Variants in PLCB1 observed in about 807,000 individuals in gnomAD.
PLCB1 encodes phospholipase C beta 1, also known as 1-phosphatidylinositol 4,5-bisphosphate phosphodiesterase beta-1.
Under a neutral mutation model 161.8 loss-of-function variants are expected in PLCB1, and 46 were observed. The observed-to-expected ratio is 0.28, with a 90% confidence interval of 0.22 to 0.36. The LOEUF (loss-of-function observed/expected upper bound fraction) is 0.36, where lower values mean the gene tolerates loss of function less well. PLCB1 is among the 10% of genes least tolerant of loss of function. PLCB1 has a pLI of 1.00. For missense variants in PLCB1, 1,016 were observed against 1,472.5 expected (o/e 0.69, Z 5.07); for synonymous variants, 517 against 503.7 (o/e 1.03, Z -0.35).
chr20:8,780,812 C>T (rs117954711), intron 27 of PLCB1, among the ~76,000 whole-genome samples: 2,374 of 152,216 alleles, frequency 0.016, 26 homozygotes, highest in Middle Eastern at 0.034. Context: ...TGCATGACCA[C>T]CTGAATGTCA....
rs1376374003 is a variant in PLCB1, at chr20:8,717,795, C to A, written c.1460C>A (p.Ser487Tyr). 34 of 1,614,036 alleles carry A rather than the reference C, an allele frequency of 2.1e-5. No individual in the cohort carries two copies. The highest frequency in any genetic ancestry group is 2.9e-5 in the Non-Finnish European group (34 of 1,179,954). Residue 487 changes from serine to tyrosine, a missense_variant, in exon 14 of 32, where the codon TCC becomes TAC. Transcript: ENST00000338037. ...SGKKKLSEQA[S>Y]NTYSDSSSMF... ...AAAAAGAAGCTCTCAGAACAAGCCT[C>A]CAACACCTACAGTGACTCCTCCAGC...
chr20:8,344,224 C>G (rs1484386469), intron 2 of PLCB1, among the ~76,000 whole-genome samples: 2 of 152,204 alleles, frequency 1.3e-5, no homozygotes, highest in Non-Finnish European at 2.9e-5. Flanking sequence ...CATAAAGAAG[C>G]TTGACTTGCC....
intron 2 of PLCB1, among the ~76,000 whole-genome samples, chr20:8,152,770 C>G (rs923752141): frequency 1.3e-5 from 2 of 152,040 alleles, no homozygotes; most frequent in Non-Finnish European, 2.9e-5. Context: ...CAATATATTC[C>G]CTCTTTGGTC....
In PLCB1 at chr20:8,773,191, C is replaced by T. The variant is rs551222566; in HGVS notation, c.2931-1348C>T. 3.7e-4 allele frequency among the ~76,000 whole-genome samples: 56 copies of T among 152,310 alleles called. No homozygotes were observed. In the South Asian group the frequency reaches 0.012, roughly 32 times the overall value. ...TGGCCCAATTCAAAGAAAAAGCAAC[C>T]AGAATTACTGACAGCTGATTCTAAG... On this transcript the variant is annotated intron_variant, in intron 26 of 31. Coordinates refer to ENST00000338037, the MANE Select transcript of PLCB1 (RefSeq NM_015192.4).
intron 3 of PLCB1, among the ~76,000 whole-genome samples, chr20:8,622,413 T>A (rs1190032487): frequency 6.6e-6 from 1 of 152,196 alleles, no homozygotes; most frequent in Non-Finnish European, 1.5e-5. Flanking sequence ...AATCCATTGA[T>A]ATTCTATTGG....
At chr20:8,287,369 G>C (rs919365460) in intron 2 of PLCB1, among the ~76,000 whole-genome samples, 3 of 152,082 alleles carry the variant, frequency 2.0e-5, no homozygotes, top group Non-Finnish European at 1.5e-5. Context: ...TATAAAATTT[G>C]TGATTAGAAT....
At chr20:8,535,269 A>G (rs189743226) in intron 3 of PLCB1, among the ~76,000 whole-genome samples, 8 of 150,510 alleles carry the variant, frequency 5.3e-5, no homozygotes, top group Admixed American at 2.0e-4. Flanking sequence ...AGTGTAATAT[A>G]TAGTTAACAT....
chr20:8,635,010 A>T (rs970324630), intron 4 of PLCB1, among the ~76,000 whole-genome samples: 4 of 151,956 alleles, frequency 2.6e-5, no homozygotes, highest in Admixed American at 1.3e-4. Flanking sequence ...GCATCAACTC[A>T]GTTCATCCAT....
chr20:8,779,414 G>A (rs1160735829), intron 27 of PLCB1, among the ~76,000 whole-genome samples: 1 of 144,412 alleles, frequency 6.9e-6, no homozygotes, highest in African/African-American at 2.6e-5. Context: ...TCTATCAATC[G>A]ATAAGCACCT....
chr20:8,380,802 G>A (rs1300288697), intron 3 of PLCB1, among the ~76,000 whole-genome samples: 2 of 152,180 alleles, frequency 1.3e-5, no homozygotes, highest in Non-Finnish European at 2.9e-5. Flanking sequence ...TTTGTATCCT[G>A]AGACTTGGCT....
At chr20:8,713,486 A>T (rs1368320580) in intron 12 of PLCB1, among the ~76,000 whole-genome samples, 1 of 152,102 alleles carries the variant, frequency 6.6e-6, no homozygotes. Context: ...CCCAGCCCTC[A>T]GGCAGGTTCT....
chr20:8,355,752 C>T (rs1438053799), intron 2 of PLCB1, among the ~76,000 whole-genome samples: 2 of 152,094 alleles, frequency 1.3e-5, no homozygotes, highest in African/African-American at 4.8e-5. Context: ...AAGAGTAGCA[C>T]CATTATAGTA....
At chr20:8,826,350 G>A (rs1231364858) in intron 31 of PLCB1, among the ~76,000 whole-genome samples, 1 of 151,816 alleles carries the variant, frequency 6.6e-6, no homozygotes, top group African/African-American at 2.4e-5. Flanking sequence ...AAAAAATTAG[G>A]TGGGCGTGGT....
At chr20:8,423,049 C>T (rs1286694573) in intron 3 of PLCB1, among the ~76,000 whole-genome samples, 1 of 152,206 alleles carries the variant, frequency 6.6e-6, no homozygotes. Flanking sequence ...AACAAAGTGA[C>T]TCCAATAAGC....
At chr20:8,645,324 A>G (rs1361518477) in intron 4 of PLCB1, among the ~76,000 whole-genome samples, 3 of 149,402 alleles carry the variant, frequency 2.0e-5, no homozygotes, top group Non-Finnish European at 3.0e-5. Flanking sequence ...TAAAAAAAAT[A>G]AAGACATTAT....
intron 31 of PLCB1, among the ~76,000 whole-genome samples, chr20:8,853,321 C>T (rs1341765342): frequency 6.6e-6 from 1 of 152,128 alleles, no homozygotes; most frequent in Non-Finnish European, 1.5e-5. Context: ...CCACTTGTGT[C>T]AAGATACAGA....
At chr20:8,378,534 G>T (rs1987164405) in intron 3 of PLCB1, among the ~76,000 whole-genome samples, 1 of 152,158 alleles carries the variant, frequency 6.6e-6, no homozygotes, top group Non-Finnish European at 1.5e-5. Flanking sequence ...ACATGCTAAT[G>T]ATCATCTGAG....
intron 2 of PLCB1, among the ~76,000 whole-genome samples, chr20:8,224,109 C>T (rs1979552822): frequency 6.6e-6 from 1 of 152,120 alleles, no homozygotes; most frequent in Non-Finnish European, 1.5e-5. Flanking sequence ...TTAATTTGCA[C>T]ATTTGTTGGG....
intron 31 of PLCB1, among the ~76,000 whole-genome samples, chr20:8,842,471 G>A (rs1986540511): frequency 6.6e-6 from 1 of 152,176 alleles, no homozygotes; most frequent in Non-Finnish European, 1.5e-5. Flanking sequence ...GAACTTAAGA[G>A]ATTATGTGGA....
Sources: allele counts gnomAD v4.1 joint callset (sites outside exome capture counted in the v4.1 genomes callset), GRCh38; gene constraint gnomAD v4.1.1; transcripts MANE v1.5; gene names NCBI Gene and HGNC (gene_info 2026-07-23, HGNC 2026-07-21).